Variants in CNTNAP2 observed in about 807,000 individuals in gnomAD.
CNTNAP2 encodes contactin-associated protein-like 2.
CNTNAP2 carries 98 observed loss-of-function variants against 155.2 expected under a neutral mutation model. The observed-to-expected ratio is 0.63, with a 90% confidence interval of 0.54 to 0.75. The LOEUF is 0.75. Among genes scored for constraint, CNTNAP2 ranks in the 30% least tolerant of loss-of-function variants. CNTNAP2 has a pLI of 0.00. For synonymous variants in CNTNAP2, 651 were observed against 631.2 expected (o/e 1.03, Z -0.47); for missense variants, 1,727 against 1,688.1 (o/e 1.02, Z -0.40).
chr7:148,333,755 G>A (rs149524780), intron 21 of CNTNAP2, among the ~76,000 whole-genome samples: 6 of 152,322 alleles, frequency 3.9e-5, no homozygotes, highest in East Asian at 1.9e-4. Context: ...GAGATGCCAC[G>A]AAGTCAGGTC....
At chr7:148,098,463 A>AAAAAAAAAAAAAAAAAAAAAC (rs1804020295) in intron 15 of CNTNAP2, among the ~76,000 whole-genome samples, 1 of 149,966 alleles carries the variant, frequency 6.7e-6, no homozygotes, top group African/African-American at 2.4e-5. Flanking sequence ...AAAAAAAAAA[A>AAAAAAAAAAAAAAAAAAAAAC]AAAAAAGCAT....
At chr7:147,120,563 G>A (rs558438719) in intron 5 of CNTNAP2, among the ~76,000 whole-genome samples, 19 of 151,850 alleles carry the variant, frequency 1.3e-4, no homozygotes, top group Admixed American at 2.6e-4. Context: ...TAACTTGTAC[G>A]TACTTTGAAC....
At chr7:147,209,424 GA>G (rs1803091561) in intron 8 of CNTNAP2, among the ~76,000 whole-genome samples, 1 of 151,870 alleles carries the variant, frequency 6.6e-6, no homozygotes, top group Non-Finnish European at 1.5e-5. Context: ...AAATGCTACT[GA>G]TTTTTTAAAT....
chr7:147,917,145 A>C (rs558453230), intron 14 of CNTNAP2, among the ~76,000 whole-genome samples: 1 of 152,360 alleles, frequency 6.6e-6, no homozygotes, highest in East Asian at 1.9e-4. Flanking sequence ...AACTGTGGCC[A>C]TCACTGGCTT....
In CNTNAP2 at chr7:147,038,842, A is replaced by G. The variant is rs149992985; in HGVS notation, c.403-5065A>G. 3.3e-5 allele frequency among the ~76,000 whole-genome samples: 5 copies of G among 152,308 alleles called. No homozygotes were observed. In the East Asian group the frequency reaches 7.7e-4, roughly 23 times the overall value. The stretch of plus-strand genomic sequence containing the variant: ...TTTAGTGCTTTCATTGTTAAAAATT[A>G]TAAGATGTATAACTTTCTTGCTTAA... On this transcript the variant is annotated intron_variant, in intron 3 of 23. Transcript: ENST00000361727.
At chr7:147,825,310 T>G (rs987603587) in intron 13 of CNTNAP2, among the ~76,000 whole-genome samples, 1 of 152,184 alleles carries the variant, frequency 6.6e-6, no homozygotes, top group African/African-American at 2.4e-5. Flanking sequence ...AGGTTGGTTG[T>G]TAATGGAGTA....
intron 1 of CNTNAP2, among the ~76,000 whole-genome samples, chr7:146,483,343 T>TATATA (rs1797007546): frequency 2.9e-5 from 3 of 101,764 alleles, no homozygotes; most frequent in African/African-American, 6.3e-5. Flanking sequence ...ATATATATAT[T>TATATA]TAAGCACAGA....
At chr7:146,453,906 C>G (rs1284628528) in intron 1 of CNTNAP2, among the ~76,000 whole-genome samples, 2 of 151,894 alleles carry the variant, frequency 1.3e-5, no homozygotes, top group African/African-American at 4.8e-5. Context: ...CATCAGTGAG[C>G]TATGGGGCAA....
intron 15 of CNTNAP2, among the ~76,000 whole-genome samples, chr7:147,993,199 A>G (rs1381904598): frequency 6.6e-6 from 1 of 152,168 alleles, no homozygotes; most frequent in Non-Finnish European, 1.5e-5. Flanking sequence ...GGTTTTCTCC[A>G]TTTTAACAAA....
intron 1 of CNTNAP2, among the ~76,000 whole-genome samples, chr7:146,724,561 C>CTTTTTTTTTT (rs1000613503): frequency 1.5e-5 from 1 of 65,604 alleles, no homozygotes; most frequent in African/African-American, 6.9e-5. Context: ...TAAATCTAAA[C>CTTTTTTTTTT]TTTTTTTTTT....
intron 1 of CNTNAP2, among the ~76,000 whole-genome samples, chr7:146,655,413 C>CA (rs66710703): frequency 0.064 from 4,745 of 74,052 alleles, 268 homozygotes; most frequent in African/African-American, 0.13. Context: ...GACTCTGTCT[C>CA]AAAAAAAAAA....
intron 1 of CNTNAP2, among the ~76,000 whole-genome samples, chr7:146,142,762 T>A (rs1237470593): frequency 6.6e-6 from 1 of 152,210 alleles, no homozygotes; most frequent in African/African-American, 2.4e-5. Flanking sequence ...GAGAGAGCCA[T>A]CCTACTATGA....
chr7:147,182,128 A>T, intron 8 of CNTNAP2, among the ~76,000 whole-genome samples: 1 of 65,164 alleles, frequency 1.5e-5, no homozygotes, highest in Non-Finnish European at 3.6e-5. Flanking sequence ...TCCATCTCAA[A>T]AAAAAAAAAA....
At chr7:146,141,924 A>G (rs959973642) in intron 1 of CNTNAP2, among the ~76,000 whole-genome samples, 1 of 152,114 alleles carries the variant, frequency 6.6e-6, no homozygotes, top group Non-Finnish European at 1.5e-5. Context: ...ATTATAGTCC[A>G]CCAGGAAAGA....
At chr7:146,582,465 A>ATTATTATAAATGCTATAACTGC (rs1315155614) in intron 1 of CNTNAP2, among the ~76,000 whole-genome samples, 1 of 152,152 alleles carries the variant, frequency 6.6e-6, no homozygotes, top group African/African-American at 2.4e-5. Context: ...ATAACTGCTG[A>ATTATTATAAATGCTATAACTGC]TAATAAGGGA....
intron 8 of CNTNAP2, among the ~76,000 whole-genome samples, chr7:147,242,112 C>A (rs944211752): frequency 2.0e-5 from 3 of 152,140 alleles, no homozygotes; most frequent in African/African-American, 4.8e-5. Flanking sequence ...GACTTTCTCT[C>A]CTCCTTACAA....
chr7:147,499,407 T>C (rs12113478), intron 11 of CNTNAP2, among the ~76,000 whole-genome samples: 21,497 of 151,834 alleles, frequency 0.14, 1,670 homozygotes, highest in East Asian at 0.29. Context: ...CAGGCGCCTG[T>C]AGTCCCAGCT....
At chr7:147,045,020 T>C (rs1799329594) in intron 4 of CNTNAP2, among the ~76,000 whole-genome samples, 1 of 152,172 alleles carries the variant, frequency 6.6e-6, no homozygotes, top group Non-Finnish European at 1.5e-5. Context: ...GACTGCTAGA[T>C]AGTATAAATT....
At chr7:147,131,975 T>G (rs1801383717) in intron 7 of CNTNAP2, among the ~76,000 whole-genome samples, 1 of 152,054 alleles carries the variant, frequency 6.6e-6, no homozygotes, top group Admixed American at 6.6e-5. Flanking sequence ...GGTCAGCCTA[T>G]CACATCAGGC....
Sources: allele counts gnomAD v4.1 joint callset (sites outside exome capture counted in the v4.1 genomes callset), GRCh38; gene constraint gnomAD v4.1.1; transcripts MANE v1.5; gene names NCBI Gene and HGNC (gene_info 2026-07-23, HGNC 2026-07-21).